The following WDPCP variants were observed in gnomAD, a reference collection of about 807,000 sequenced individuals.
WDPCP encodes the protein WD repeat containing planar cell polarity effector, also known as WD repeat-containing and planar cell polarity effector protein fritz homolog.
A neutral mutation model predicts 93.1 loss-of-function variants in WDPCP; 71 were observed. The ratio of observed to expected loss-of-function variants is 0.76; its 90% confidence interval spans 0.63 to 0.93. WDPCP has a LOEUF of 0.93. Ranked by LOEUF, WDPCP falls within the 40% of genes least tolerant of loss-of-function variation. The pLI is 0.00. For synonymous variants in WDPCP, 315 were observed against 315.0 expected (o/e 1.00, Z 0.00); for missense variants, 844 against 887.4 (o/e 0.95, Z 0.62).
chr2:63,598,987 A>C (rs1163969495), intron 3 of WDPCP, among the ~76,000 whole-genome samples: 1 of 150,846 alleles, frequency 6.6e-6, no homozygotes, highest in East Asian at 1.9e-4. Flanking sequence ...AAAATTTTTT[A>C]TTACCATTTT....
intron 3 of WDPCP, among the ~76,000 whole-genome samples, chr2:63,600,453 A>G (rs1709397394): frequency 6.6e-6 from 1 of 152,186 alleles, no homozygotes; most frequent in East Asian, 1.9e-4. Context: ...AATGGTATCA[A>G]CTAACCTTAG....
intron 1 of WDPCP, among the ~76,000 whole-genome samples, chr2:63,514,054 C>T (rs1445164718): frequency 6.6e-6 from 1 of 151,948 alleles, no homozygotes; most frequent in East Asian, 1.9e-4. Flanking sequence ...AGAAGGTAAT[C>T]GGTTAAAAAT....
At chr2:63,337,998 CT>C (rs1688510318) in intron 12 of WDPCP, among the ~76,000 whole-genome samples, 1 of 152,174 alleles carries the variant, frequency 6.6e-6, no homozygotes, top group Admixed American at 6.5e-5. Flanking sequence ...AACTTTTTTG[CT>C]TGAGGTAATC....
chr2:63,336,784 G>A (rs993835819), intron 12 of WDPCP, among the ~76,000 whole-genome samples: 1 of 150,740 alleles, frequency 6.6e-6, no homozygotes, highest in Admixed American at 6.6e-5. Flanking sequence ...TACGTGTACA[G>A]TTCAGTGCTA....
intron 1 of WDPCP, among the ~76,000 whole-genome samples, chr2:63,575,353 T>C (rs1441454546): frequency 5.4e-5 from 6 of 110,662 alleles, no homozygotes; most frequent in Non-Finnish European, 1.2e-4. Flanking sequence ...CTGTATATGG[T>C]ATATACAGTA....
intron 1 of WDPCP, among the ~76,000 whole-genome samples, chr2:63,555,497 G>C (rs1481862699): frequency 2.0e-5 from 3 of 152,248 alleles, no homozygotes; most frequent in African/African-American, 7.2e-5. Flanking sequence ...GGCAGCCAGA[G>C]TGCTTGGTTA....
intron 14 of WDPCP, among the ~76,000 whole-genome samples, chr2:63,225,715 T>TA (rs1403104269): frequency 6.6e-6 from 1 of 151,862 alleles, no homozygotes; most frequent in African/African-American, 2.4e-5. Flanking sequence ...GTAATAAAAT[T>TA]ATGTTTTCCT....
chr2:63,180,839 A>G (rs142594520), intron 14 of WDPCP, among the ~76,000 whole-genome samples: 68 of 152,148 alleles, frequency 4.5e-4, no homozygotes, highest in African/African-American at 1.6e-3. Flanking sequence ...CCTTACCAAC[A>G]TGTTATTTTT....
In WDPCP at chr2:63,664,149, C is replaced by T. The variant is rs1575742006; in HGVS notation, n.309-13311G>A. Among the ~76,000 whole-genome samples, 3 of 152,158 alleles carry T rather than the reference C, an allele frequency of 2.0e-5. No individual in the cohort carries two copies. The South Asian group carries it at 6.2e-4, about 32-fold the overall frequency. Reference sequence around the variant, plus strand: ...AGTGGGAAGTAGAAGCTGACAATCTCAGTTTAGGCATCATCAGTACGTGAG... The same window carrying T: ...AGTGGGAAGTAGAAGCTGACAATCTTAGTTTAGGCATCATCAGTACGTGAG... On this transcript the variant is annotated intron_variant and non_coding_transcript_variant, in intron 2 of 4. Coordinates refer to the WDPCP transcript ENST00000467687.
At chr2:63,678,480 G>T (rs1458015023) in intron 2 of WDPCP, among the ~76,000 whole-genome samples, 7 of 152,150 alleles carry the variant, frequency 4.6e-5, no homozygotes, top group African/African-American at 1.7e-4. Context: ...AAAGGGAATG[G>T]GGCAGGGAAT....
intron 1 of WDPCP, among the ~76,000 whole-genome samples, chr2:63,523,722 G>A (rs1240795199): frequency 6.6e-6 from 1 of 152,112 alleles, no homozygotes; most frequent in East Asian, 1.9e-4. Flanking sequence ...GACCAGTTTG[G>A]CCAATGTGGC....
chr2:63,477,335 A>G (rs1361144578), intron 6 of WDPCP, among the ~76,000 whole-genome samples: 2 of 152,180 alleles, frequency 1.3e-5, no homozygotes, highest in African/African-American at 4.8e-5. Flanking sequence ...GAGACAAAAA[A>G]AATGTGAGAA....
chr2:63,426,551 G>A (rs1356735422), intron 9 of WDPCP, among the ~76,000 whole-genome samples: 2 of 152,112 alleles, frequency 1.3e-5, no homozygotes, highest in African/African-American at 2.4e-5. Context: ...TTAAGGGAGT[G>A]CTAAACATAG....
chr2:63,822,683 T>G (rs1378358741), intron 1 of WDPCP, among the ~76,000 whole-genome samples: 1 of 151,862 alleles, frequency 6.6e-6, no homozygotes, highest in Non-Finnish European at 1.5e-5. Flanking sequence ...GCCGAAAGTT[T>G]GTGACCCGCC....
chr2:63,572,666 G>A (rs375894011), intron 1 of WDPCP, among the ~76,000 whole-genome samples: 43 of 109,834 alleles, frequency 3.9e-4, no homozygotes, highest in African/African-American at 1.3e-3. Context: ...TTGCACCACT[G>A]TACTCCAGCT....
chr2:63,240,140 G>C (rs1171149510), intron 14 of WDPCP, among the ~76,000 whole-genome samples: 1 of 152,006 alleles, frequency 6.6e-6, no homozygotes, highest in East Asian at 1.9e-4. Flanking sequence ...GTCTTTACTA[G>C]TTTAGCCAAG....
chr2:63,718,336 A>G (rs1292480881), intron 2 of WDPCP, among the ~76,000 whole-genome samples: 1 of 152,098 alleles, frequency 6.6e-6, no homozygotes. Flanking sequence ...TCTCCATACT[A>G]TTTTCCATAG....
At chr2:63,383,627 C>T (rs1319239885) in intron 10 of WDPCP, among the ~76,000 whole-genome samples, 3 of 152,076 alleles carry the variant, frequency 2.0e-5, no homozygotes, top group Non-Finnish European at 4.4e-5. Flanking sequence ...GCAGGAGAAT[C>T]GCTTGCATCT....
rs563863155 is a variant in WDPCP, at chr2:63,279,150, T to C, written c.1813-19741A>G. Among the ~76,000 whole-genome samples, 16 of 152,014 alleles carry C rather than the reference T, an allele frequency of 1.1e-4. No homozygotes were observed. The South Asian group carries it at 3.1e-3, about 30-fold the overall frequency. ...TCATTCTATGAAACCAGTATCACCA[T>C]AATACCAAAACCAGGGAAGGACATA... On this transcript the variant is annotated intron_variant, in intron 13 of 17. Coordinates refer to ENST00000272321, the MANE Select transcript of WDPCP (RefSeq NM_015910.7).
Sources: gnomAD v4.1 joint callset for allele counts (sites outside exome capture counted in the v4.1 genomes callset) on GRCh38, gnomAD v4.1.1 for gene constraint, MANE v1.5 for transcripts, NCBI Gene and HGNC (gene_info 2026-07-23, HGNC 2026-07-21) for gene names.